The following HACD4 variants were observed in gnomAD, a reference collection of about 807,000 sequenced individuals.
The protein encoded by HACD4 is very-long-chain (3R)-3-hydroxyacyl-CoA dehydratase 4.
HACD4 carries 35 observed loss-of-function variants against 33.3 expected under a neutral mutation model. The ratio of observed to expected loss-of-function variants is 1.05; its 90% confidence interval spans 0.80 to 1.39. HACD4 has a LOEUF of 1.39. Ranked by LOEUF, HACD4 falls within the 40% of genes most tolerant of loss-of-function variation. The probability of loss-of-function intolerance (pLI) is 0.00; values close to 1 mark genes in which losing one functional copy is unlikely to be tolerated. For synonymous variants in HACD4, 118 were observed against 98.0 expected (o/e 1.20, Z -1.21); for missense variants, 323 against 276.5 (o/e 1.17, Z -1.19).
intron 1 of HACD4, among the ~76,000 whole-genome samples, chr9:21,030,608 A>T (rs1000151468): frequency 1.3e-5 from 2 of 152,120 alleles, no homozygotes; most frequent in Non-Finnish European, 2.9e-5. Flanking sequence ...GAGTAATCCA[A>T]ATGTTGGGTA....
intron 3 of HACD4, among the ~76,000 whole-genome samples, chr9:21,025,270 AC>A (rs1185188013): frequency 6.6e-6 from 1 of 152,094 alleles, no homozygotes; most frequent in Admixed American, 6.5e-5. Context: ...TATTCCATAA[AC>A]TTGTAATGCT....
intron 3 of HACD4, among the ~76,000 whole-genome samples, chr9:21,016,732 T>G (rs1291006962): frequency 1.3e-5 from 2 of 150,072 alleles, no homozygotes; most frequent in African/African-American, 4.9e-5. Flanking sequence ...TGAAGGGTTT[T>G]GAAAGACAGG....
intron 2 of HACD4, 66 bp from the exon 3 acceptor site, chr9:21,026,789 C>T: frequency 9.4e-6 from 13 of 1,377,664 alleles, no homozygotes; most frequent in Non-Finnish European, 1.3e-5. Flanking sequence ...CAAATTTATG[C>T]AGCACTTTGA....
In HACD4 at chr9:21,002,006, C is replaced by G. The variant is rs948455717; in HGVS notation, c.*5031G>C. ...ACTTTTGTAACAATGGTTTGTAACT[C>G]CACTTTTTGTTTTCTACATAGAGAC... On this transcript the variant is annotated 3_prime_UTR_variant, in exon 7 of 7. Coordinates refer to ENST00000495827, the MANE Select transcript of HACD4 (RefSeq NM_001010915.5). 1 of 152,170 alleles carries G rather than the reference C, an allele frequency of 6.6e-6. No individual in the cohort carries two copies. Among genetic ancestry groups the G allele is most frequent in the South Asian group, 2.1e-4 (1 of 4,820 alleles). The allele number at this position is 152,170 out of a possible 1,614,324, so 9.4% of individuals were successfully genotyped here. A position where few individuals can be genotyped will look rare whatever the true frequency, so the allele number is the denominator to read the frequency against.
intron 4 of HACD4, among the ~76,000 whole-genome samples, chr9:21,013,952 G>A (rs1209590492): frequency 6.6e-6 from 1 of 152,114 alleles, no homozygotes; most frequent in African/African-American, 2.4e-5. Flanking sequence ...TATTGCCATG[G>A]ATAGAACTTC....
Position 21,031,593 on chromosome 9 carries a change from GC to G in HACD4, c.-4del. The G allele has an allele frequency of 7.0e-7, 1 of 1,431,100 alleles. No homozygotes were observed. Among genetic ancestry groups the G allele is most frequent in the Non-Finnish European group, 9.1e-7 (1 of 1,097,736 alleles). The allele number at this position is 1,431,100 out of a possible 1,614,324, so 88.7% of individuals were successfully genotyped here. On this transcript the variant is annotated 5_prime_UTR_variant, in exon 1 of 7. Transcript: ENST00000495827. ...GCGGGCAGCGCCAAGGGCCCCATGG[GC>G]CGCCGCCGCCAGGGCTTCCAGCGCG...
chr9:21,022,124 T>C (rs868762617), intron 3 of HACD4, among the ~76,000 whole-genome samples: 1 of 152,156 alleles, frequency 6.6e-6, no homozygotes, highest in African/African-American at 2.4e-5. Context: ...AAACAACAAA[T>C]GGGGAAAGGA....
chr9:21,031,457 G>T (rs1818217948), intron 1 of HACD4, 96 bp downstream of exon 1: 2 of 1,352,712 alleles, frequency 1.5e-6, no homozygotes, highest in Non-Finnish European at 1.9e-6. Flanking sequence ...CTGGCGGGCG[G>T]GGGGTGCCGC....
chr9:21,017,241 A>G (rs12553564), intron 3 of HACD4, among the ~76,000 whole-genome samples: 45,706 of 151,918 alleles, frequency 0.3, 7,090 homozygotes, highest in East Asian at 0.51. Context: ...AGATTTGCCA[A>G]CAGTGGGCCA....
At chr9:21,017,703 A>ACTTAGACAC (rs1385599807) in intron 3 of HACD4, 1 of 152,214 alleles carries the variant, frequency 6.6e-6, no homozygotes, top group Non-Finnish European at 1.5e-5. Context: ...TACTCAAAAA[A>ACTTAGACAC]CTTAGACACC....
intron 5 of HACD4, among the ~76,000 whole-genome samples, chr9:21,010,274 C>A (rs1842380408): frequency 6.6e-6 from 1 of 152,154 alleles, no homozygotes; most frequent in African/African-American, 2.4e-5. Context: ...CATATATTCT[C>A]CAAATATCCT....
intron 6 of HACD4, 115 bp from the exon 7 acceptor site, chr9:21,007,234 A>G: frequency 1.5e-6 from 1 of 666,596 alleles, no homozygotes; most frequent in Non-Finnish European, 2.7e-6. Flanking sequence ...AGACACTTGC[A>G]AGGGAGATGT....
intron 3 of HACD4, among the ~76,000 whole-genome samples, chr9:21,022,647 G>A (rs957544582): frequency 3.6e-4 from 54 of 149,770 alleles, no homozygotes; most frequent in African/African-American, 1.3e-3. Context: ...ATAGAGAAAT[G>A]CAAATCAAAA....
chr9:21,002,458 C>G lies in HACD4; in HGVS notation c.*4579G>C, dbSNP rs7847370. Reference sequence around the variant, plus strand: ...TATGCTAAGTGAAATAAGCCAATTACGAAAGACAGATACTGTATGATTACA... The same window carrying G: ...TATGCTAAGTGAAATAAGCCAATTAGGAAAGACAGATACTGTATGATTACA... On this transcript the variant is annotated 3_prime_UTR_variant, in exon 7 of 7. Coordinates refer to ENST00000495827, the MANE Select transcript of HACD4 (RefSeq NM_001010915.5). 1 of 151,904 alleles carries G rather than the reference C, an allele frequency of 6.6e-6. No homozygotes were observed. The highest frequency in any genetic ancestry group is 2.4e-5 in the African/African-American group (1 of 41,368). The allele number at this position is 151,904 out of a possible 1,614,324, so 9.4% of individuals were successfully genotyped here. A position where few individuals can be genotyped will look rare whatever the true frequency, so the allele number is the denominator to read the frequency against.
intron 3 of HACD4, 92 bp downstream of exon 3, chr9:21,026,504 G>T (rs1423773249): frequency 1.4e-5 from 14 of 1,027,590 alleles, no homozygotes; most frequent in Non-Finnish European, 2.0e-5. Context: ...ACAAGGGTTG[G>T]CTTTCTAACT....
chr9:21,023,820 C>A (rs970203021), intron 3 of HACD4, among the ~76,000 whole-genome samples: 1 of 152,172 alleles, frequency 6.6e-6, no homozygotes, highest in African/African-American at 2.4e-5. Flanking sequence ...CGTGATCCGA[C>A]CGCCTCAGCC....
rs1001631386 is a variant in HACD4 at position 21,023,090 on chromosome 9, C to G, written c.270+3506G>C. On this transcript the variant is annotated intron_variant, in intron 3 of 6. Coordinates refer to ENST00000495827, the MANE Select transcript of HACD4 (RefSeq NM_001010915.5). ...GTAGGGACATGGATGAAGCTGGAAACCATCATTCTGAGCAAACTATCGCAA... is the reference window on the plus strand; with the variant it reads ...GTAGGGACATGGATGAAGCTGGAAAGCATCATTCTGAGCAAACTATCGCAA... Among the ~76,000 whole-genome samples the G allele has an allele frequency of 2.0e-5, 3 of 152,038 alleles. No homozygotes were observed. The East Asian group carries it at 5.8e-4, about 29-fold the overall frequency.
intron 3 of HACD4, among the ~76,000 whole-genome samples, chr9:21,024,928 A>G (rs1033112439): frequency 6.6e-6 from 1 of 152,190 alleles, no homozygotes; most frequent in Admixed American, 6.5e-5. Flanking sequence ...TGTTAATTCT[A>G]TTTTCCAACA....
At chr9:21,020,135 A>T (rs1027516398) in intron 3 of HACD4, among the ~76,000 whole-genome samples, 6 of 152,142 alleles carry the variant, frequency 3.9e-5, no homozygotes, top group African/African-American at 1.4e-4. Flanking sequence ...CTCCGTAAGC[A>T]CAATCATTTA....
Sources: gnomAD v4.1 joint callset for allele counts (sites outside exome capture counted in the v4.1 genomes callset) on GRCh38, gnomAD v4.1.1 for gene constraint, MANE v1.5 for transcripts, NCBI Gene and HGNC (gene_info 2026-07-23, HGNC 2026-07-21) for gene names.